The following SRGAP3 variants were observed in gnomAD, a reference collection of about 807,000 sequenced individuals.
SRGAP3 encodes SLIT-ROBO Rho GTPase activating protein 3, also known as SLIT-ROBO Rho GTPase-activating protein 3.
SRGAP3 carries 39 observed loss-of-function variants against 121.1 expected under a neutral mutation model. The ratio of observed to expected loss-of-function variants is 0.32; its 90% confidence interval spans 0.25 to 0.42. SRGAP3 has a LOEUF of 0.42. SRGAP3 is among the 10% of genes least tolerant of loss of function. The pLI, the probability that SRGAP3 is intolerant of heterozygous loss-of-function variation, is 1.00. For synonymous variants in SRGAP3, 601 were observed against 570.0 expected, an observed-to-expected ratio of 1.05 and a Z score of -0.77; for missense variants, 1,213 against 1,470.6, an observed-to-expected ratio of 0.82 and a Z score of 2.86.
chr3:9,323,798 A>AACATAT (rs1553574436), intron 3 of SRGAP3, among the ~76,000 whole-genome samples: 2 of 148,778 alleles, frequency 1.3e-5, no homozygotes, highest in Non-Finnish European at 3.0e-5. Context: ...CTGTGTATCT[A>AACATAT]ACACACACAC....
chr3:9,092,100 C>T (rs1244667926), intron 3 of SRGAP3, among the ~76,000 whole-genome samples: 1 of 152,110 alleles, frequency 6.6e-6, no homozygotes, highest in Non-Finnish European at 1.5e-5. Flanking sequence ...GGCAGTGAGT[C>T]TAGCACCGTG....
At chr3:9,099,650 TA>T (rs1948129635) in intron 3 of SRGAP3, among the ~76,000 whole-genome samples, 1 of 152,220 alleles carries the variant, frequency 6.6e-6, no homozygotes, top group African/African-American at 2.4e-5. Context: ...GAGGTTGGAC[TA>T]GGAGTCATTC....
chr3:9,175,479 C>A (rs1249169169), intron 1 of SRGAP3, among the ~76,000 whole-genome samples: 1 of 152,180 alleles, frequency 6.6e-6, no homozygotes, highest in African/African-American at 2.4e-5. Context: ...GACACAGAGC[C>A]CTATTCCCCT....
In SRGAP3 at chr3:9,159,524, A is replaced by G. The variant is rs370531820; in HGVS notation, c.68-34607T>C. On this transcript the variant is annotated intron_variant, in intron 1 of 21. Coordinates refer to ENST00000383836, the MANE Select transcript of SRGAP3 (RefSeq NM_014850.4). The stretch of plus-strand genomic sequence containing the variant: ...ATCAGTGAGAGAGATAAGGGCAACA[A>G]AGACACGATCCTGGGCTACATAACC... Among the ~76,000 whole-genome samples the G allele has an allele frequency of 1.8e-4, 27 of 152,296 alleles. No homozygotes were observed. In the East Asian group the frequency reaches 1.9e-3, roughly 11 times the overall value.
At chr3:9,223,015 C>A (rs985138374) in intron 1 of SRGAP3, among the ~76,000 whole-genome samples, 1 of 152,218 alleles carries the variant, frequency 6.6e-6, no homozygotes, top group Admixed American at 6.5e-5. Context: ...GTGCTAGGGG[C>A]TGAGAGTGCA....
In SRGAP3 at chr3:9,218,961, C is replaced by G. The variant is rs892882372; in HGVS notation, c.67+29924G>C. On this transcript the variant is annotated intron_variant, in intron 1 of 21. Transcript: ENST00000383836. This position sits in a 1 kb window ranked among gnomAD's most constrained non-coding sequence, Gnocchi z 5.3. ...GTGTTGGGATTACAGGCGTGAGCCA[C>G]TGCGCCCAGCCTATTTTATCTTATC... is the stretch of plus-strand genomic sequence containing the variant. 6.6e-6 allele frequency among the ~76,000 whole-genome samples: 1 copy of G among 152,208 alleles called. No homozygotes were observed. The highest frequency in any genetic ancestry group is 1.5e-5 in the Non-Finnish European group (1 of 68,040).
chr3:9,326,322 T>C (rs1955517891), intron 2 of SRGAP3, among the ~76,000 whole-genome samples: 1 of 151,854 alleles, frequency 6.6e-6, no homozygotes, highest in African/African-American at 2.4e-5. Flanking sequence ...AAAATGACAA[T>C]TGAATGAAAT....
At chr3:9,085,556 T>G (rs776106704) in intron 3 of SRGAP3, among the ~76,000 whole-genome samples, 78 of 152,226 alleles carry the variant, frequency 5.1e-4, no homozygotes, top group Admixed American at 1.3e-3. Flanking sequence ...AGACTTGGAA[T>G]CAACCCAAAT....
chr3:9,013,831 G>C lies in SRGAP3; in HGVS notation c.1825C>G (p.Pro609Ala). The C allele has an allele frequency of 2.5e-6, 4 of 1,614,166 alleles. No individual in the cohort carries two copies. Among genetic ancestry groups the C allele is most frequent in the Non-Finnish European group, 3.4e-6 (4 of 1,180,010 alleles). ...TGGATCTGGTGCACCCTCTCGGCTG[G>C]GTTCTCCAGTTCTGTAACATAAAGG... ...DLISTIKLEN[P>A]AERVHQIQQI... The change falls in exon 16 of 22, where the codon CCA becomes GCA. Residue 609 changes from proline to alanine, a missense_variant. Coordinates refer to ENST00000383836, the MANE Select transcript of SRGAP3 (RefSeq NM_014850.4).
intron 4 of SRGAP3, among the ~76,000 whole-genome samples, chr3:9,067,072 G>C (rs981665304): frequency 2.0e-5 from 3 of 152,144 alleles, no homozygotes; most frequent in African/African-American, 7.2e-5. Context: ...GTTAATTTCT[G>C]TAAAGTGCTG....
At chr3:8,991,610 T>C (rs559920033) in intron 20 of SRGAP3, among the ~76,000 whole-genome samples, 46 of 152,294 alleles carry the variant, frequency 3.0e-4, no homozygotes, top group African/African-American at 9.9e-4. Context: ...GCAAGATCCT[T>C]TGCCCACCCT....
At chr3:9,318,784 TG>T (rs560122300) in intron 3 of SRGAP3, among the ~76,000 whole-genome samples, 1 of 150,572 alleles carries the variant, frequency 6.6e-6, no homozygotes, top group Non-Finnish European at 1.5e-5. Flanking sequence ...GAGGCTGAGA[TG>T]GGGGGATCGC....
At chr3:9,257,001 G>GT (rs1171068704) in intron 3 of SRGAP3, 1 of 396,408 alleles carries the variant, frequency 2.5e-6, no homozygotes, top group Non-Finnish European at 4.4e-6. Flanking sequence ...CTGGCACCCA[G>GT]TAAGTGCCAC....
At chr3:9,209,256 C>T (rs765826310) in intron 1 of SRGAP3, among the ~76,000 whole-genome samples, 9 of 152,108 alleles carry the variant, frequency 5.9e-5, no homozygotes, top group Admixed American at 3.9e-4. Flanking sequence ...GCCATGAACA[C>T]GGTTTTGGAG....
At chr3:9,243,312 G>C (rs1329166505) in intron 1 of SRGAP3, among the ~76,000 whole-genome samples, 5 of 152,154 alleles carry the variant, frequency 3.3e-5, no homozygotes, top group Admixed American at 3.3e-4. Context: ...AAGACCTGGA[G>C]GAGGGGAAGG....
intron 1 of SRGAP3, among the ~76,000 whole-genome samples, chr3:9,213,336 A>C (rs1952509032): frequency 1.3e-5 from 2 of 152,252 alleles, no homozygotes; most frequent in South Asian, 4.1e-4. Flanking sequence ...CTGAAAAAAA[A>C]AAAATGCAAC....
At chr3:9,062,294 G>C (rs1005916856) in intron 5 of SRGAP3, among the ~76,000 whole-genome samples, 1 of 152,080 alleles carries the variant, frequency 6.6e-6, no homozygotes, top group South Asian at 2.1e-4. Flanking sequence ...GTAGCTAATC[G>C]AACCAAAAAT....
intron 3 of SRGAP3, among the ~76,000 whole-genome samples, chr3:9,099,618 G>A (rs407786): frequency 0.3 from 46,007 of 152,080 alleles, 7,552 homozygotes; most frequent in South Asian, 0.38. Flanking sequence ...ATGAGCCTCA[G>A]TTTCCTCATC....
At chr3:9,049,702 G>A (rs190535033) in intron 9 of SRGAP3, among the ~76,000 whole-genome samples, 1 of 152,266 alleles carries the variant, frequency 6.6e-6, no homozygotes, top group East Asian at 1.9e-4. Flanking sequence ...TGACACTGGA[G>A]GAGGAACCAG....
Sources: gnomAD v4.1 joint callset for allele counts (sites outside exome capture counted in the v4.1 genomes callset) on GRCh38, gnomAD v4.1.1 for gene constraint, Gnocchi (gnomAD v3.1) non-coding constraint, MANE v1.5 for transcripts, NCBI Gene and HGNC (gene_info 2026-07-23, HGNC 2026-07-21) for gene names.